Variants in BICC1 observed in about 807,000 individuals in gnomAD.
The protein encoded by BICC1 is BicC family RNA binding protein 1, also known as protein bicaudal C homolog 1.
Under a neutral mutation model 111.0 loss-of-function variants are expected in BICC1, and 43 were observed. That is an observed-to-expected ratio of 0.39 (90% CI 0.30 to 0.50). The LOEUF (loss-of-function observed/expected upper bound fraction) is 0.50. BICC1 is among the 20% of genes least tolerant of loss of function. The probability of loss-of-function intolerance (pLI) is 0.88; values close to 1 mark genes in which losing one functional copy is unlikely to be tolerated. For missense variants in BICC1, 1,091 were observed against 1,203.2 expected (o/e 0.91, Z 1.38); for synonymous variants, 467 against 434.4 (o/e 1.07, Z -0.93).
intron 1 of BICC1, among the ~76,000 whole-genome samples, chr10:58,568,684 T>C (rs1843847437): frequency 6.6e-6 from 1 of 151,756 alleles, no homozygotes; most frequent in Non-Finnish European, 1.5e-5. Flanking sequence ...TAGGTAAGGA[T>C]TGGTCTTTGT....
At chr10:58,599,341 TCCTTTGC>T (rs1844945889) in intron 1 of BICC1, among the ~76,000 whole-genome samples, 1 of 152,174 alleles carries the variant, frequency 6.6e-6, no homozygotes, top group Admixed American at 6.5e-5. Flanking sequence ...CGAGTTCATT[TCCTTTGC>T]CAGGACGTGG....
At chr10:58,771,303 GGAAA>G (rs1164089441) in intron 3 of BICC1, among the ~76,000 whole-genome samples, 1 of 152,098 alleles carries the variant, frequency 6.6e-6, no homozygotes. Context: ...AAAATTATGA[GGAAA>G]TAGATATCAG....
intron 3 of BICC1, among the ~76,000 whole-genome samples, chr10:58,722,453 T>G (rs1190758457): frequency 6.6e-6 from 1 of 152,236 alleles, no homozygotes; most frequent in East Asian, 1.9e-4. Context: ...TTAATAAATT[T>G]TGGAGAATCC....
intron 1 of BICC1, among the ~76,000 whole-genome samples, chr10:58,584,213 C>T (rs775014425): frequency 2.0e-5 from 3 of 152,074 alleles, no homozygotes; most frequent in African/African-American, 7.2e-5. Context: ...TTTCCTTTAT[C>T]GTTTCAGCAT....
intron 2 of BICC1, among the ~76,000 whole-genome samples, chr10:58,655,277 T>A (rs10740748): frequency 0.99 from 132,590 of 133,652 alleles, 65,790 homozygotes; most frequent in Middle Eastern, 1. Context: ...CTTGGGCAGT[T>A]TGGCCATTTT....
intron 3 of BICC1, among the ~76,000 whole-genome samples, chr10:58,745,267 G>C (rs1454097544): frequency 6.6e-6 from 1 of 152,028 alleles, no homozygotes; most frequent in Non-Finnish European, 1.5e-5. Flanking sequence ...TTGAATGCTG[G>C]TTCCGCCACT....
chr10:58,653,979 A>G lies in BICC1; in HGVS notation c.237+33078A>G, dbSNP rs556230201. Among the ~76,000 whole-genome samples the G allele has an allele frequency of 1.4e-3, 217 of 151,220 alleles. 1 individual carries two copies. The highest frequency in any genetic ancestry group is 6.8e-3 in the Middle Eastern group (2 of 294). On this transcript the variant is annotated intron_variant, in intron 2 of 20. Coordinates refer to ENST00000373886, the MANE Select transcript of BICC1 (RefSeq NM_001080512.3). ...AGTTTATTGAGAATGATGATTTCCAATTTCATCCATGTCCCTACAAAGGAC... is the reference window on the plus strand; with the variant it reads ...AGTTTATTGAGAATGATGATTTCCAGTTTCATCCATGTCCCTACAAAGGAC...
chr10:58,512,643 G>T (rs149626250), upstream of BICC1, among the ~76,000 whole-genome samples: 431 of 152,260 alleles, frequency 2.8e-3, 7 homozygotes, highest in East Asian at 0.044. Context: ...GTGTGTTTGA[G>T]GAGCTATGAA....
chr10:58,706,882 G>A (rs1564565993), intron 3 of BICC1, among the ~76,000 whole-genome samples: 1 of 130,740 alleles, frequency 7.6e-6, no homozygotes, highest in Non-Finnish European at 1.6e-5. Flanking sequence ...TATGAAAACA[G>A]ACTAATACAG....
At chr10:58,621,647 T>G (rs2132139914) in intron 2 of BICC1, among the ~76,000 whole-genome samples, 1 of 152,160 alleles carries the variant, frequency 6.6e-6, no homozygotes, top group Non-Finnish European at 1.5e-5. Flanking sequence ...GGTGTGTGCC[T>G]ATAATCCTAG....
At chr10:58,525,118 T>C (rs553766731) in intron 1 of BICC1, among the ~76,000 whole-genome samples, 1 of 140,592 alleles carries the variant, frequency 7.1e-6, no homozygotes, top group Non-Finnish European at 1.6e-5. Context: ...TTGGTGGTAC[T>C]GTAAGCTAGT....
chr10:58,589,564 T>G (rs1844538158), intron 1 of BICC1, among the ~76,000 whole-genome samples: 1 of 151,970 alleles, frequency 6.6e-6, no homozygotes, highest in Admixed American at 6.6e-5. Flanking sequence ...CTTGAATGCC[T>G]GGGGTCAAGC....
At chr10:58,644,621 C>A (rs182655582) in intron 2 of BICC1, among the ~76,000 whole-genome samples, 1 of 151,782 alleles carries the variant, frequency 6.6e-6, no homozygotes, top group Admixed American at 6.6e-5. Flanking sequence ...TTAGAGTGAT[C>A]GAAAAAACTA....
intron 3 of BICC1, among the ~76,000 whole-genome samples, chr10:58,766,664 C>T (rs1265533854): frequency 6.6e-6 from 1 of 151,902 alleles, no homozygotes; most frequent in Non-Finnish European, 1.5e-5. Flanking sequence ...CAGAGAAGTT[C>T]CAGCTCACTG....
intron 1 of BICC1, among the ~76,000 whole-genome samples, chr10:58,532,843 G>T (rs956752884): frequency 6.6e-6 from 1 of 151,812 alleles, no homozygotes; most frequent in Non-Finnish European, 1.5e-5. Flanking sequence ...TTGGCATTGA[G>T]ATCCTAAAGC....
intron 1 of BICC1, among the ~76,000 whole-genome samples, chr10:58,604,574 T>A (rs1470373486): frequency 6.6e-6 from 1 of 152,056 alleles, no homozygotes; most frequent in Non-Finnish European, 1.5e-5. Flanking sequence ...GGCAGGAGAA[T>A]GGCGTGAACC....
At chr10:58,546,656 A>G (rs1039389318) in intron 1 of BICC1, among the ~76,000 whole-genome samples, 6 of 152,164 alleles carry the variant, frequency 3.9e-5, no homozygotes, top group African/African-American at 1.4e-4. Flanking sequence ...TCATAGTTGC[A>G]GGAAAAACCC....
rs192239975 is a variant in BICC1, at chr10:58,720,390, T to C, written c.307+18247T>C. 2.6e-3 allele frequency among the ~76,000 whole-genome samples: 400 copies of C among 152,360 alleles called. 2 individuals carry two copies. Among genetic ancestry groups the C allele is most frequent in the Non-Finnish European group, 4.2e-3 (289 of 68,030 alleles). On this transcript the variant is annotated intron_variant, in intron 3 of 20. Coordinates refer to ENST00000373886, the MANE Select transcript of BICC1 (RefSeq NM_001080512.3). ...AACATTTATCTCAGTCTCTGCCCTT[T>C]GGATACTTAGAGTTTGCCTGGGGAT...
At chr10:58,804,483 A>G (rs1249398638) in intron 15 of BICC1, among the ~76,000 whole-genome samples, 1 of 152,172 alleles carries the variant, frequency 6.6e-6, no homozygotes, top group Non-Finnish European at 1.5e-5. Flanking sequence ...GCACCACTGC[A>G]CTCTAGCCTG....
Sources: gnomAD v4.1 joint callset for allele counts (sites outside exome capture counted in the v4.1 genomes callset) on GRCh38, gnomAD v4.1.1 for gene constraint, MANE v1.5 for transcripts, NCBI Gene and HGNC (gene_info 2026-07-23, HGNC 2026-07-21) for gene names.